Variants in WT1 observed in about 807,000 individuals in gnomAD.
WT1 encodes the protein Wilms tumor protein.
WT1 carries 8 observed loss-of-function variants against 60.8 expected under a neutral mutation model. That is an observed-to-expected ratio of 0.13 (90% confidence interval 0.08 to 0.24). WT1 has a LOEUF of 0.24. Among genes scored for constraint, WT1 ranks in the 10% least tolerant of loss-of-function variants. The probability of loss-of-function intolerance (pLI) is 1.00; values close to 1 mark genes in which losing one functional copy is unlikely to be tolerated. For synonymous variants in WT1, 312 were observed against 297.1 expected, an observed-to-expected ratio of 1.05 and a Z score of -0.52; for missense variants, 568 against 711.8, an observed-to-expected ratio of 0.80 and a Z score of 2.30.
At chr11:32,434,487 T>C (rs1325186397) in intron 1 of WT1, among the ~76,000 whole-genome samples, 1 of 152,252 alleles carries the variant, frequency 6.6e-6, no homozygotes, top group Non-Finnish European at 1.5e-5. Flanking sequence ...CTCCTAGCTC[T>C]GCCTGGCTTT....
chr11:32,423,680 G>T (rs1168975646), intron 3 of WT1, among the ~76,000 whole-genome samples: 1 of 152,170 alleles, frequency 6.6e-6, no homozygotes, highest in Admixed American at 6.5e-5. Flanking sequence ...TCCCTTAACT[G>T]TGTCACACTG....
chr11:32,415,583 G>A (rs1852641628), intron 5 of WT1, among the ~76,000 whole-genome samples: 2 of 152,238 alleles, frequency 1.3e-5, no homozygotes, highest in South Asian at 4.1e-4. Flanking sequence ...GGGAGGTGGA[G>A]GTTGCGGTGA....
chr11:32,395,915 A>G (rs1379148597), intron 7 of WT1, among the ~76,000 whole-genome samples: 1 of 152,134 alleles, frequency 6.6e-6, no homozygotes, highest in Non-Finnish European at 1.5e-5. Context: ...TCCTAAAACC[A>G]TCTGATGACT....
rs761626116 is a variant in WT1, at chr11:32,416,257, T to A, written c.1016+233A>T. Among the ~76,000 whole-genome samples, 51 of 152,144 alleles carry A rather than the reference T, an allele frequency of 3.4e-4. 1 individual carries two copies. Among genetic ancestry groups the A allele is most frequent in the Non-Finnish European group, 1.8e-4 (12 of 68,030 alleles). On this transcript the variant is annotated intron_variant, in intron 5 of 9. Transcript: ENST00000452863. ...ACAAAGAAATGAACAGGATGCTGCA[T>A]AATTTTTTACATTGTTTTCCAGGGG...
Position 32,387,933 on chromosome 11 carries a change from T to C in WT1, c.*1125A>G, listed in dbSNP as rs1851701995. 1 of 234,010 alleles carries C rather than the reference T, an allele frequency of 4.3e-6. No individual in the cohort carries two copies. Among genetic ancestry groups the C allele is most frequent in the East Asian group, 6.0e-5 (1 of 16,662 alleles). 14.5% of individuals were successfully genotyped at this position (234,010 alleles called of 1,614,324 possible). A position where few individuals can be genotyped will look rare whatever the true frequency, so the allele number is the denominator to read the frequency against. ...TCAAAGAGCAAATCATTATCAGACA[T>C]ATATTTACACAGTAATTTCAAGCAA... On this transcript the variant is annotated 3_prime_UTR_variant, in exon 10 of 10. Transcript: ENST00000452863.
chr11:32,429,105 C>G lies in WT1; in HGVS notation c.662-486G>C, dbSNP rs1304042529. 8.5e-5 allele frequency: 23 copies of G among 271,682 alleles called. No individual in the cohort carries two copies. In the Admixed American group the frequency reaches 1.1e-3, roughly 13 times the overall value. 16.8% of individuals were successfully genotyped at this position (271,682 alleles called of 1,614,324 possible). On this transcript the variant is annotated intron_variant, in intron 1 of 9. Coordinates refer to ENST00000452863, the MANE Select transcript of WT1 (RefSeq NM_024426.6). ...CCAACTTTCATTAATTACTCGGAGC[C>G]AGTTAAATGGCCTGGTCTTAAAAAT...
intron 9 of WT1, 40 bp downstream of exon 9, chr11:32,391,932 A>G: frequency 6.3e-7 from 1 of 1,584,248 alleles, no homozygotes; most frequent in South Asian, 1.1e-5. Context: ...AATAGTTTAA[A>G]AAAATAATGA....
intron 5 of WT1, 152 bp from the exon 6 acceptor site, chr11:32,400,196 C>A: frequency 1.1e-6 from 1 of 898,066 alleles, no homozygotes. Flanking sequence ...ACTTTAGATG[C>A]AGGGTTCTGC....
At chr11:32,390,100 C>T (rs577143359) in intron 9 of WT1, among the ~76,000 whole-genome samples, 4 of 152,136 alleles carry the variant, frequency 2.6e-5, no homozygotes, top group Non-Finnish European at 5.9e-5. Context: ...AATTCCAGAG[C>T]CCGTGCTCTT....
At position 32,388,847 on chromosome 11, in the gene WT1, C is replaced by T; in HGVS notation, c.*211G>A. On this transcript the variant is annotated 3_prime_UTR_variant, in exon 10 of 10. Coordinates refer to ENST00000452863, the MANE Select transcript of WT1 (RefSeq NM_024426.6). ...GACATTGTTAGCTGCTTCTCCAGGG[C>T]CTGTGAGTCAACTAAAAGTAGGCAG... 1.3e-6 allele frequency: 1 copy of T among 780,150 alleles called. No homozygotes were observed. Among genetic ancestry groups the T allele is most frequent in the East Asian group, 2.8e-5 (1 of 36,204 alleles). 48.3% of individuals were successfully genotyped at this position (780,150 alleles called of 1,614,324 possible).
At chr11:32,433,335 A>AAAGGGCGGTTTCGATTTCTCC (rs1853371936) in intron 1 of WT1, among the ~76,000 whole-genome samples, 1 of 152,236 alleles carries the variant, frequency 6.6e-6, no homozygotes, top group Non-Finnish European at 1.5e-5. Flanking sequence ...CTCCCGAAGA[A>AAAGGGCGGTTTCGATTTCTCC]AAGGGCGGTT....
chr11:32,396,461 C>T lies in WT1; in HGVS notation c.1114-54G>A, dbSNP rs557249070. 51 of 1,606,360 alleles carry T rather than the reference C, an allele frequency of 3.2e-5. No homozygotes were observed. The Middle Eastern group carries it at 6.2e-4, about 19-fold the overall frequency. On this transcript the variant is annotated intron_variant, in intron 6 of 9. Coordinates refer to ENST00000452863, the MANE Select transcript of WT1 (RefSeq NM_024426.6). ...GCTTTAAGCCACATGTGAACATTCACGTAGGTCTTGAGGGAGAGTGAGCAC... is the reference window on the plus strand; with the variant it reads ...GCTTTAAGCCACATGTGAACATTCATGTAGGTCTTGAGGGAGAGTGAGCAC...
intron 3 of WT1, among the ~76,000 whole-genome samples, chr11:32,418,968 C>A (rs752734209): frequency 3.3e-5 from 5 of 152,156 alleles, no homozygotes; most frequent in Non-Finnish European, 7.4e-5. Flanking sequence ...AAAGTATGTG[C>A]CGTTTCATTA....
intron 5 of WT1, among the ~76,000 whole-genome samples, chr11:32,401,183 A>G (rs1852142086): frequency 6.6e-6 from 1 of 152,268 alleles, no homozygotes; most frequent in Non-Finnish European, 1.5e-5. Context: ...GAAAAGGAAT[A>G]AAGTACCAAT....
chr11:32,420,258 G>A (rs1252111029), intron 3 of WT1, among the ~76,000 whole-genome samples: 1 of 152,156 alleles, frequency 6.6e-6, no homozygotes, highest in African/African-American at 2.4e-5. Context: ...TATGGCTTGT[G>A]TTATGTTTCT....
At chr11:32,398,135 T>C (rs1852029674) in intron 6 of WT1, among the ~76,000 whole-genome samples, 1 of 152,186 alleles carries the variant, frequency 6.6e-6, no homozygotes, top group Non-Finnish European at 1.5e-5. Flanking sequence ...AACCCTTGCC[T>C]TTATTGCTCT....
chr11:32,416,338 A>G, intron 5 of WT1, 152 bp downstream of exon 5: 1 of 934,928 alleles, frequency 1.1e-6, no homozygotes, highest in Admixed American at 1.7e-5. Context: ...TGTATGATGA[A>G]TAAGAAGAGG....
chr11:32,396,196 G>C, intron 7 of WT1, 61 bp downstream of exon 7: 1 of 1,610,778 alleles, frequency 6.2e-7, no homozygotes, highest in Non-Finnish European at 8.5e-7. Flanking sequence ...AGCAGTGTGA[G>C]AGCCTGGAAA....
chr11:32,388,685 GA>G lies in WT1; in HGVS notation c.*372del, dbSNP rs1590325186. The G allele has an allele frequency of 1.1e-5, 4 of 366,190 alleles. No individual in the cohort carries two copies. The East Asian group carries it at 1.7e-4, about 16-fold the overall frequency. The allele number at this position is 366,190 out of a possible 1,614,324, so 22.7% of individuals were successfully genotyped here. The stretch of plus-strand genomic sequence containing the variant: ...CCTGGCCTATAAATATTCCATGATA[GA>G]AAATGGTACAATAATTCCATCCCCA... On this transcript the variant is annotated 3_prime_UTR_variant, in exon 10 of 10. Transcript: ENST00000452863.
Sources: gnomAD v4.1 joint callset for allele counts (sites outside exome capture counted in the v4.1 genomes callset) on GRCh38, gnomAD v4.1.1 for gene constraint, MANE v1.5 for transcripts, NCBI Gene and HGNC (gene_info 2026-07-23, HGNC 2026-07-21) for gene names.